MGA: variants seen among roughly 807,000 people sequenced by gnomAD.
The protein encoded by MGA is MAX dimerization protein MGA.
A neutral mutation model predicts 261.1 loss-of-function variants in MGA; 40 were observed. The ratio of observed to expected loss-of-function variants is 0.15; its 90% CI spans 0.12 to 0.20. The LOEUF (loss-of-function observed/expected upper bound fraction) is 0.20, where lower values mean the gene tolerates loss of function less well. MGA is among the 10% of genes least tolerant of loss of function. MGA has a pLI of 1.00. For missense variants in MGA, 3,397 were observed against 3,630.5 expected, an observed-to-expected ratio of 0.94 and a Z score of 1.65; for synonymous variants, 1,302 against 1,290.6, an observed-to-expected ratio of 1.01 and a Z score of -0.19.
chr15:41,730,331 C>T (rs762849200), intron 11 of MGA, among the ~76,000 whole-genome samples: 7 of 151,760 alleles, frequency 4.6e-5, no homozygotes, highest in African/African-American at 7.3e-5. Context: ...CCCAGCTATT[C>T]GGGAGGCTGA....
chr15:41,666,695 A>G (rs1462679506), intron 1 of MGA, among the ~76,000 whole-genome samples: 2 of 152,224 alleles, frequency 1.3e-5, no homozygotes, highest in African/African-American at 4.8e-5. Context: ...CATTAAGCTT[A>G]TACATTCTCT....
intron 2 of MGA, among the ~76,000 whole-genome samples, chr15:41,694,437 G>C (rs118062150): frequency 0.033 from 5,040 of 152,102 alleles, 124 homozygotes; most frequent in Non-Finnish European, 0.055. Context: ...AAATATTTTA[G>C]TTGTGTAAAT....
intron 22 of MGA, among the ~76,000 whole-genome samples, chr15:41,764,179 AT>A (rs913679483): frequency 1.3e-5 from 2 of 151,724 alleles, no homozygotes; most frequent in African/African-American, 4.8e-5. Flanking sequence ...AAAAAAAAAA[AT>A]GGTATATTCT....
rs372290282 is a variant in MGA at position 41,707,688 on chromosome 15, T to G, written c.2189-40T>G. ...CAAAGAAGGGAGATAATATGATTTC[T>G]GATTAATCTATGGAAATATGATTTC... On this transcript the variant is annotated intron_variant, in intron 5 of 23. Transcript: ENST00000219905. The G allele has an allele frequency of 4.5e-5, 70 of 1,542,714 alleles. No homozygotes were observed. The African/African-American group carries it at 8.0e-4, about 18-fold the overall frequency.
At position 41,686,796 on chromosome 15, in the gene MGA, G is replaced by A. The variant is rs139231302; in HGVS notation, c.1065-9279G>A. ...TGAATTAACATTGATTTAGAGGGGAGGGGTGATCTTACATTCTTGGGCTAA... is the reference window on the plus strand; with the variant it reads ...TGAATTAACATTGATTTAGAGGGGAAGGGTGATCTTACATTCTTGGGCTAA... On this transcript the variant is annotated intron_variant, in intron 2 of 23. Coordinates refer to ENST00000219905, the MANE Select transcript of MGA (RefSeq NM_001164273.2). Among the ~76,000 whole-genome samples the A allele has an allele frequency of 3.0e-4, 46 of 152,180 alleles. 1 individual carries two copies. Among genetic ancestry groups the A allele is most frequent in the African/African-American group, 1.1e-3 (45 of 41,540 alleles).
At chr15:41,681,759 A>AT (rs1339019491) in intron 2 of MGA, among the ~76,000 whole-genome samples, 3 of 151,978 alleles carry the variant, frequency 2.0e-5, no homozygotes, top group Non-Finnish European at 4.4e-5. Context: ...CAAATAATCC[A>AT]TTTTTTTATG....
chr15:41,768,088 A>G lies in MGA; in HGVS notation c.*808A>G, dbSNP rs1461863563. 2.6e-5 allele frequency: 4 copies of G among 152,634 alleles called. No individual in the cohort carries two copies. Among genetic ancestry groups the G allele is most frequent in the African/African-American group, 9.6e-5 (4 of 41,456 alleles). 9.5% of individuals were successfully genotyped at this position (152,634 alleles called of 1,614,324 possible). On this transcript the variant is annotated 3_prime_UTR_variant, in exon 24 of 24. Transcript: ENST00000219905. Reference sequence around the variant, plus strand: ...ACCCCTTCCACAAATTACGTTACTCAAGAGACAGCTAAAATAAAATGCATT... The same window carrying G: ...ACCCCTTCCACAAATTACGTTACTCGAGAGACAGCTAAAATAAAATGCATT...
intron 10 of MGA, among the ~76,000 whole-genome samples, 184 bp from the exon 11 acceptor site, chr15:41,728,980 G>C (rs1397445374): frequency 6.6e-6 from 1 of 152,152 alleles, no homozygotes. Context: ...ATAGAGAACT[G>C]GATCCTTTCT....
At chr15:41,680,405 T>C (rs1309613451) in intron 2 of MGA, among the ~76,000 whole-genome samples, 2 of 142,234 alleles carry the variant, frequency 1.4e-5, no homozygotes, top group East Asian at 1.9e-4. Context: ...TAACCCCCCC[T>C]GATGCATTGA....
chr15:41,753,985 C>G (rs551237406), intron 17 of MGA, among the ~76,000 whole-genome samples: 24 of 152,148 alleles, frequency 1.6e-4, no homozygotes, highest in Admixed American at 9.2e-4. Flanking sequence ...GTGGTGCAGT[C>G]TTGGGTCACT....
At chr15:41,714,239 C>G (rs2060517547) in intron 9 of MGA, among the ~76,000 whole-genome samples, 1 of 152,154 alleles carries the variant, frequency 6.6e-6, no homozygotes, top group South Asian at 2.1e-4. Flanking sequence ...AGTGTATGTT[C>G]CATCATAACG....
At chr15:41,729,967 A>G (rs1247923271) in intron 11 of MGA, among the ~76,000 whole-genome samples, 1 of 151,820 alleles carries the variant, frequency 6.6e-6, no homozygotes, top group Non-Finnish European at 1.5e-5. Flanking sequence ...GTCTCGGCTC[A>G]GTGCAACCTC....
At chr15:41,723,538 C>G (rs998369488) in intron 9 of MGA, among the ~76,000 whole-genome samples, 1 of 152,172 alleles carries the variant, frequency 6.6e-6, no homozygotes, top group African/African-American at 2.4e-5. Context: ...GTCTTAGCCT[C>G]TGGAGTAGCT....
Position 41,727,359 on chromosome 15 carries a change from A to G in MGA, c.3610A>G (p.Thr1204Ala). The stretch of plus-strand genomic sequence containing the variant: ...TCCTACTGTGAAGGGCAAACTGCTC[A>G]CTGGAATTAAATCTCCACGGTCATA... The change falls in exon 10 of 24, where the codon ACT becomes GCT. Residue 1204 changes from threonine to alanine, a missense_variant. By Grantham distance (58) the Thr-to-Ala change is moderately conservative. Coordinates refer to ENST00000219905, the MANE Select transcript of MGA (RefSeq NM_001164273.2). 6.2e-7 allele frequency: 1 copy of G among 1,614,006 alleles called. No individual in the cohort carries two copies. The highest frequency in any genetic ancestry group is 8.5e-7 in the Non-Finnish European group (1 of 1,179,874).
At chr15:41,652,188 T>C (rs2057078133) in intron 1 of MGA, among the ~76,000 whole-genome samples, 1 of 150,390 alleles carries the variant, frequency 6.6e-6, no homozygotes, top group Non-Finnish European at 1.5e-5. Context: ...TTAGCCAGGA[T>C]GGTCTCAATC....
At chr15:41,679,845 G>GT (rs1045993210) in intron 2 of MGA, among the ~76,000 whole-genome samples, 18 of 150,956 alleles carry the variant, frequency 1.2e-4, no homozygotes, top group East Asian at 1.2e-3. Context: ...ATTTGAATAT[G>GT]TTTTTTTTTC....
intron 9 of MGA, among the ~76,000 whole-genome samples, chr15:41,726,617 T>C (rs1290075821): frequency 2.0e-5 from 3 of 151,680 alleles, no homozygotes; most frequent in African/African-American, 7.3e-5. Context: ...TAATCCCAGC[T>C]ACTCAGGTGG....
chr15:41,764,355 G>A (rs1235551316), intron 22 of MGA, among the ~76,000 whole-genome samples: 3 of 149,036 alleles, frequency 2.0e-5, no homozygotes, highest in Non-Finnish European at 3.0e-5. Flanking sequence ...CCAGGTTCAC[G>A]CCATTCTTCT....
chr15:41,640,589 G>A (rs1243001247), intron 1 of MGA, among the ~76,000 whole-genome samples: 1 of 151,694 alleles, frequency 6.6e-6, no homozygotes, highest in African/African-American at 2.4e-5. Context: ...GTGCGATCTC[G>A]GCTCTCTGCA....
Sources: allele counts gnomAD v4.1 joint callset (sites outside exome capture counted in the v4.1 genomes callset), GRCh38; gene constraint gnomAD v4.1.1; transcripts MANE v1.5; gene names NCBI Gene and HGNC (gene_info 2026-07-23, HGNC 2026-07-21).